MAPT: variants seen among roughly 807,000 people sequenced by gnomAD.
The protein encoded by MAPT is microtubule-associated protein tau.
In MAPT, 34 loss-of-function variants were observed where a neutral mutation model predicts 67.9. The observed-to-expected ratio is 0.50, with a 90% confidence interval of 0.38 to 0.67. MAPT has a LOEUF of 0.67. MAPT is among the 30% of genes least tolerant of loss of function. The pLI, the probability that MAPT is intolerant of heterozygous loss-of-function variation, is 0.00. For synonymous variants in MAPT, 456 were observed against 464.5 expected, an observed-to-expected ratio of 0.98 and a Z score of 0.23; for missense variants, 881 against 1,115.2, an observed-to-expected ratio of 0.79 and a Z score of 2.99.
intron 4 of MAPT, among the ~76,000 whole-genome samples, chr17:45,982,338 GT>G (rs1356692933): frequency 3.2e-5 from 4 of 123,654 alleles, no homozygotes; most frequent in African/African-American, 1.2e-4. Context: ...AAAAAAAGGG[GT>G]GGGGGGCGGG....
chr17:45,946,626 A>ATATG (rs2068541776), intron 1 of MAPT, among the ~76,000 whole-genome samples: 1 of 132,472 alleles, frequency 7.5e-6, no homozygotes, highest in African/African-American at 2.7e-5. Flanking sequence ...ATATATATAT[A>ATATG]TATATATATA....
At chr17:45,903,900 ATAT>A (rs1408291928) in intron 1 of MAPT, among the ~76,000 whole-genome samples, 2 of 47,288 alleles carry the variant, frequency 4.2e-5, no homozygotes, top group African/African-American at 1.7e-4. Context: ...TATATTATAT[ATAT>A]TTATATATTA....
intron 1 of MAPT, among the ~76,000 whole-genome samples, chr17:45,899,347 C>T (rs530225246): frequency 1.3e-4 from 20 of 152,350 alleles, no homozygotes; most frequent in African/African-American, 4.6e-4. Context: ...GGGGTTGACA[C>T]TGGCACTGCT....
At chr17:45,947,958 G>A (rs1406455681) in intron 1 of MAPT, among the ~76,000 whole-genome samples, 1 of 152,010 alleles carries the variant, frequency 6.6e-6, no homozygotes, top group Non-Finnish European at 1.5e-5. Flanking sequence ...ATTCCCTAGG[G>A]CTAACCATAG....
intron 9 of MAPT, chr17:45,999,761 C>A: frequency 9.6e-7 from 1 of 1,041,870 alleles, no homozygotes; most frequent in Non-Finnish European, 1.4e-6. Flanking sequence ...GAAAGGGTGA[C>A]TTGACTTTTC....
chr17:45,946,308 A>G (rs931233687), intron 1 of MAPT, among the ~76,000 whole-genome samples: 11 of 152,010 alleles, frequency 7.2e-5, no homozygotes, highest in African/African-American at 2.7e-4. Context: ...TGCCTGATCA[A>G]AAACAGTATT....
At chr17:45,961,784 T>G (rs903578115) in intron 1 of MAPT, among the ~76,000 whole-genome samples, 14 of 151,652 alleles carry the variant, frequency 9.2e-5, no homozygotes, top group East Asian at 3.9e-4. Context: ...TGTTTTTTTT[T>G]TTTTGTTTTG....
At chr17:45,959,471 C>G (rs931326884) in intron 1 of MAPT, among the ~76,000 whole-genome samples, 1 of 152,152 alleles carries the variant, frequency 6.6e-6, no homozygotes, top group South Asian at 2.1e-4. Flanking sequence ...TCAACAAGCC[C>G]GATCTTGTTT....
At chr17:45,920,669 A>G (rs1455019008) in intron 1 of MAPT, among the ~76,000 whole-genome samples, 2 of 152,108 alleles carry the variant, frequency 1.3e-5, no homozygotes, top group African/African-American at 2.4e-5. Flanking sequence ...GGGTGGTTGT[A>G]TGGGTCCTGT....
In MAPT at chr17:45,989,942, C is replaced by T. The variant is rs149471977; in HGVS notation, c.1472C>T (p.Thr491Ile). ...CCTTGCCTTAGCCCCAAACACCCCA[C>T]TCCTGGTAGCTCAGACCCTCTGATC... The part of the protein sequence containing the change: ...NRPCLSPKHP[T>I]PGSSDPLIQP... The change falls in exon 7 of 13, where the codon ACT becomes ATT. Residue 491 changes from threonine (T) to isoleucine (I), a missense_variant. Transcript: ENST00000262410. The T allele has an allele frequency of 8.1e-6, 13 of 1,614,090 alleles. No homozygotes were observed. The highest frequency in any genetic ancestry group is 1.1e-5 in the Non-Finnish European group (13 of 1,180,050).
chr17:45,933,666 TC>T (rs2067063048), intron 1 of MAPT, among the ~76,000 whole-genome samples: 1 of 152,068 alleles, frequency 6.6e-6, no homozygotes. Flanking sequence ...AATATCTCTG[TC>T]GATCCTTTGG....
chr17:45,964,662 C>T (rs562202945), intron 2 of MAPT, among the ~76,000 whole-genome samples: 5 of 151,684 alleles, frequency 3.3e-5, no homozygotes, highest in South Asian at 2.1e-4. Flanking sequence ...CCAGCCTGGG[C>T]GACAGAGACC....
chr17:46,016,647 T>C (rs2076200710), intron 11 of MAPT, among the ~76,000 whole-genome samples: 3 of 152,114 alleles, frequency 2.0e-5, no homozygotes, highest in Admixed American at 1.3e-4. Flanking sequence ...GGCAGGCACC[T>C]GTAGTCCCAA....
intron 3 of MAPT, chr17:45,974,415 C>T: frequency 6.2e-7 from 1 of 1,610,666 alleles, no homozygotes; most frequent in South Asian, 1.1e-5. Context: ...GATGAGGGAG[C>T]TCCCGGCAAG....
At chr17:45,947,565 T>C (rs2068634165) in intron 1 of MAPT, among the ~76,000 whole-genome samples, 1 of 151,902 alleles carries the variant, frequency 6.6e-6, no homozygotes, top group Admixed American at 6.6e-5. Context: ...TTTTTGTGTT[T>C]TTAGTAGAGA....
chr17:45,905,965 C>T (rs927794506), intron 1 of MAPT, among the ~76,000 whole-genome samples: 1 of 152,230 alleles, frequency 6.6e-6, no homozygotes, highest in Non-Finnish European at 1.5e-5. Flanking sequence ...AGTATAGCTG[C>T]TGCCACCTGG....
intron 1 of MAPT, among the ~76,000 whole-genome samples, chr17:45,952,119 G>A (rs573252402): frequency 7.2e-5 from 11 of 151,934 alleles, no homozygotes; most frequent in Non-Finnish European, 1.0e-4. Context: ...TCCAGGCTGC[G>A]TAGTCACCTC....
intron 1 of MAPT, among the ~76,000 whole-genome samples, chr17:45,921,843 G>C (rs1020293507): frequency 6.6e-6 from 1 of 151,870 alleles, no homozygotes; most frequent in Admixed American, 6.6e-5. Context: ...GGACGTCTTG[G>C]GGGTATTCTG....
rs773933080 is a variant in MAPT, at chr17:46,024,200, G to A, written c.*29G>A. On this transcript the variant is annotated 3_prime_UTR_variant, in exon 13 of 13. Transcript: ENST00000262410. Reference sequence around the variant, plus strand: ...GGCCCCTGGGGCGGTCAATAATTGTGGAGAGGAGAGAATGAGAGAGTGTGG... The same window carrying A: ...GGCCCCTGGGGCGGTCAATAATTGTAGAGAGGAGAGAATGAGAGAGTGTGG... The A allele has an allele frequency of 6.3e-7, 1 of 1,586,340 alleles. No individual in the cohort carries two copies. The highest frequency in any genetic ancestry group is 1.7e-5 in the Admixed American group (1 of 59,962).
Sources: allele counts gnomAD v4.1 joint callset (sites outside exome capture counted in the v4.1 genomes callset), GRCh38; gene constraint gnomAD v4.1.1; transcripts MANE v1.5; gene names NCBI Gene and HGNC (gene_info 2026-07-23, HGNC 2026-07-21).